Variants in SV2B observed in about 807,000 individuals in gnomAD.
The protein encoded by SV2B is synaptic vesicle glycoprotein 2B.
In SV2B, 41 loss-of-function variants were observed where a neutral mutation model predicts 73.9. The ratio of observed to expected loss-of-function variants is 0.56; its 90% CI spans 0.43 to 0.72. The LOEUF is 0.72. Among genes scored for constraint, SV2B ranks in the 30% least tolerant of loss-of-function variants. The probability of loss-of-function intolerance (pLI) is 0.00; values close to 1 mark genes in which losing one functional copy is unlikely to be tolerated. For missense variants in SV2B, 764 were observed against 857.8 expected, an observed-to-expected ratio of 0.89 and a Z score of 1.37; for synonymous variants, 314 against 314.2, an observed-to-expected ratio of 1.00 and a Z score of 0.01.
chr15:91,173,787 A>T (rs1256044299), intron 1 of SV2B, among the ~76,000 whole-genome samples: 1 of 152,170 alleles, frequency 6.6e-6, no homozygotes, highest in Admixed American at 6.5e-5. Flanking sequence ...TCATCTTGTA[A>T]ATCAGCTGGA....
At chr15:91,182,569 G>A (rs1159889875) in intron 1 of SV2B, among the ~76,000 whole-genome samples, 2 of 152,168 alleles carry the variant, frequency 1.3e-5, no homozygotes, top group African/African-American at 2.4e-5. Flanking sequence ...AGCTGTGGTT[G>A]TTCTGAGCCC....
intron 9 of SV2B, among the ~76,000 whole-genome samples, chr15:91,274,509 G>A (rs538491922): frequency 8.5e-4 from 129 of 152,250 alleles, no homozygotes; most frequent in Non-Finnish European, 1.6e-3. Context: ...ATATTCAGGT[G>A]CGGTAGTTCT....
rs2042015479 is a variant in SV2B, at chr15:91,110,809, T to G, written c.-392+10446T>G. Among the ~76,000 whole-genome samples the G allele has an allele frequency of 6.6e-6, 1 of 152,212 alleles. No homozygotes were observed. The highest frequency in any genetic ancestry group is 2.4e-5 in the African/African-American group (1 of 41,442). ...CGAACACATCCCACACATGCCAGTG[T>G]AAGGGTCTGTGAATTAAATGCAGCC... is the stretch of plus-strand genomic sequence containing the variant. On this transcript the variant is annotated intron_variant, in intron 1 of 12. Coordinates refer to ENST00000394232, the MANE Select transcript of SV2B (RefSeq NM_001323032.3). The surrounding 1 kb of genome is among the most constrained non-coding windows in gnomAD (Gnocchi z 5.4).
intron 11 of SV2B, among the ~76,000 whole-genome samples, chr15:91,285,547 C>T (rs1233148971): frequency 1.3e-5 from 2 of 152,368 alleles, no homozygotes; most frequent in East Asian, 3.9e-4. Context: ...AACACTTTGG[C>T]TGGGAGTCAG....
chr15:91,221,496 T>C (rs891416052), intron 1 of SV2B, among the ~76,000 whole-genome samples: 1 of 152,140 alleles, frequency 6.6e-6, no homozygotes, highest in Non-Finnish European at 1.5e-5. Flanking sequence ...TATAGGATGC[T>C]GGAAAGGTTT....
At chr15:91,278,930 G>A (rs2048592892) in intron 9 of SV2B, among the ~76,000 whole-genome samples, 2 of 152,092 alleles carry the variant, frequency 1.3e-5, no homozygotes, top group African/African-American at 2.4e-5. Context: ...GAACTTTGGG[G>A]AGCCGTAGCC....
chr15:91,217,371 G>T (rs1290819455), intron 1 of SV2B, among the ~76,000 whole-genome samples: 1 of 152,114 alleles, frequency 6.6e-6, no homozygotes, highest in Non-Finnish European at 1.5e-5. Context: ...TATGATAATA[G>T]AAATATGTGT....
intron 1 of SV2B, among the ~76,000 whole-genome samples, chr15:91,120,704 C>T (rs1025576584): frequency 2.7e-5 from 4 of 150,190 alleles, no homozygotes; most frequent in Non-Finnish European, 5.9e-5. Context: ...GTCATAGCTA[C>T]TTGGGAGGCT....
Position 91,195,282 on chromosome 15 carries a change from C to T in SV2B, c.-391-30591C>T, listed in dbSNP as rs1306994085. Among the ~76,000 whole-genome samples the T allele has an allele frequency of 2.6e-5, 4 of 152,134 alleles. No homozygotes were observed. The South Asian group carries it at 6.2e-4, about 24-fold the overall frequency. ...AAGCGATTCTCCCACCTCAGCCTCC[C>T]GATTATGTGGGACCACAGGCACACA... On this transcript the variant is annotated intron_variant, in intron 1 of 12. Transcript: ENST00000394232.
chr15:91,210,504 A>AT (rs2045817581), intron 1 of SV2B, among the ~76,000 whole-genome samples: 1 of 152,170 alleles, frequency 6.6e-6, no homozygotes, highest in African/African-American at 2.4e-5. Context: ...AAATTGAGAC[A>AT]TAAAGAGGTG....
intron 1 of SV2B, among the ~76,000 whole-genome samples, chr15:91,216,272 C>G (rs2046022299): frequency 6.6e-6 from 1 of 152,046 alleles, no homozygotes; most frequent in African/African-American, 2.4e-5. Flanking sequence ...GTGGTTAAAA[C>G]ATATTTTATG....
At chr15:91,120,013 T>G (rs549778048) in intron 1 of SV2B, among the ~76,000 whole-genome samples, 67 of 152,384 alleles carry the variant, frequency 4.4e-4, no homozygotes, top group African/African-American at 1.5e-3. Flanking sequence ...ATAAGAAATA[T>G]TCTCATAAGT....
intron 1 of SV2B, among the ~76,000 whole-genome samples, chr15:91,114,183 C>CAAAAAAA (rs11372573): frequency 7.1e-5 from 4 of 55,960 alleles, no homozygotes; most frequent in African/African-American, 2.7e-4. Flanking sequence ...GACTCCATCT[C>CAAAAAAA]AAAAAAAAAA....
chr15:91,183,125 G>A (rs1317701145), intron 1 of SV2B, among the ~76,000 whole-genome samples: 1 of 152,182 alleles, frequency 6.6e-6, no homozygotes. Flanking sequence ...TTAACATGGG[G>A]ACTTAACGTT....
chr15:91,118,971 C>A lies in SV2B; in HGVS notation c.-392+18608C>A, dbSNP rs569411509. ...TGGAGGCAGGGCCTGTGGGGGTGGG[C>A]GTGCTGGCTGATCCGCTTGGGGCTC... On this transcript the variant is annotated intron_variant, in intron 1 of 12. Transcript: ENST00000394232. This position sits in a 1 kb window ranked among gnomAD's most constrained non-coding sequence, Gnocchi z 4.7. Among the ~76,000 whole-genome samples, 1 of 152,062 alleles carries A rather than the reference C, an allele frequency of 6.6e-6. No individual in the cohort carries two copies. The highest frequency in any genetic ancestry group is 2.4e-5 in the African/African-American group (1 of 41,416).
Position 91,128,976 on chromosome 15 carries a change from G to A in SV2B, c.-392+28613G>A, listed in dbSNP as rs575035155. ...ATTCTGAAGGCTCCCGTGGATACAC[G>A]TCAAATAAAGTTGTATGCCTGCCTT... On this transcript the variant is annotated intron_variant, in intron 1 of 12. Transcript: ENST00000394232. The surrounding 1 kb of genome is among the most constrained non-coding windows in gnomAD (Gnocchi z 4.2). Among the ~76,000 whole-genome samples, 159 of 152,346 alleles carry A rather than the reference G, an allele frequency of 1.0e-3. 1 individual carries two copies. Among genetic ancestry groups the A allele is most frequent in the Admixed American group, 1.8e-3 (28 of 15,306 alleles).
Position 91,141,028 on chromosome 15 carries a change from C to T in SV2B, c.-392+40665C>T, listed in dbSNP as rs1029415224. Among the ~76,000 whole-genome samples the T allele has an allele frequency of 1.3e-5, 2 of 152,326 alleles. No individual in the cohort carries two copies. Among genetic ancestry groups the T allele is most frequent in the Admixed American group, 6.5e-5 (1 of 15,304 alleles). Reference sequence around the variant, plus strand: ...TTCATGATGGAAGCCAGAAGTGCTACAAGCACTCAGGTGGCAGGACTTATA... The same window carrying T: ...TTCATGATGGAAGCCAGAAGTGCTATAAGCACTCAGGTGGCAGGACTTATA... On this transcript the variant is annotated intron_variant, in intron 1 of 12. Transcript: ENST00000394232. The surrounding 1 kb of genome is among the most constrained non-coding windows in gnomAD (Gnocchi z 4.6).
intron 2 of SV2B, among the ~76,000 whole-genome samples, chr15:91,228,531 A>G (rs2046458318): frequency 6.6e-6 from 1 of 152,204 alleles, no homozygotes; most frequent in Non-Finnish European, 1.5e-5. Context: ...TGTGAGTCCA[A>G]ATTGGCAATG....
chr15:91,188,829 AATTT>A (rs2044883553), intron 1 of SV2B, among the ~76,000 whole-genome samples: 1 of 151,362 alleles, frequency 6.6e-6, no homozygotes, highest in African/African-American at 2.4e-5. Context: ...TATTTTTATT[AATTT>A]ATTTATTTTT....
Sources: allele counts gnomAD v4.1 joint callset (sites outside exome capture counted in the v4.1 genomes callset), GRCh38; gene constraint gnomAD v4.1.1; non-coding constraint Gnocchi (gnomAD v3.1); transcripts MANE v1.5; gene names NCBI Gene and HGNC (gene_info 2026-07-23, HGNC 2026-07-21).